Variants in PDE6C observed in about 807,000 individuals in gnomAD.
PDE6C encodes the protein cone cGMP-specific 3',5'-cyclic phosphodiesterase subunit alpha'.
PDE6C carries 75 observed loss-of-function variants against 113.1 expected under a neutral mutation model. The ratio of observed to expected loss-of-function variants is 0.66; its 90% CI spans 0.55 to 0.80. The LOEUF is 0.80. Among genes scored for constraint, PDE6C ranks in the 30% least tolerant of loss-of-function variants. The pLI is 0.00. For missense variants in PDE6C, 912 were observed against 1,038.6 expected, an observed-to-expected ratio of 0.88 and a Z score of 1.67; for synonymous variants, 375 against 363.7, an observed-to-expected ratio of 1.03 and a Z score of -0.35.
intron 9 of PDE6C, 84 bp downstream of exon 9, chr10:93,634,991 T>C (rs1442332332): frequency 1.4e-6 from 2 of 1,424,576 alleles, no homozygotes; most frequent in Non-Finnish European, 2.0e-6. Flanking sequence ...TCTGGAATGA[T>C]ATTTTGAAGG....
chr10:93,641,800 CTCCTTCAGCTGGTCT>C (rs2058561391), intron 14 of PDE6C, among the ~76,000 whole-genome samples: 1 of 152,200 alleles, frequency 6.6e-6, no homozygotes, highest in Non-Finnish European at 1.5e-5. Context: ...CTGCCAAACT[CTCCTTCAGCTGGTCT>C]TCCATCTTAA....
chr10:93,632,544 G>A (rs1589696996), intron 8 of PDE6C, among the ~76,000 whole-genome samples: 1 of 152,176 alleles, frequency 6.6e-6, no homozygotes, highest in African/African-American at 2.4e-5. Flanking sequence ...CAAAGCACAA[G>A]AATATGAACT....
chr10:93,629,574 C>A lies in PDE6C; in HGVS notation c.1119+269C>A, dbSNP rs59194125. On this transcript the variant is annotated intron_variant, in intron 8 of 21. Coordinates refer to ENST00000371447, the MANE Select transcript of PDE6C (RefSeq NM_006204.4). ...GGTCATTTACGGCAGTGGTCCCCAA[C>A]CTTTTTGGCACCAGGGACCGGTTTT... Among the ~76,000 whole-genome samples, 347 of 152,306 alleles carry A rather than the reference C, an allele frequency of 2.3e-3. 11 individuals are homozygous for A. The East Asian group carries it at 0.06, about 26-fold the overall frequency.
chr10:93,629,039 C>T (rs181339443), intron 7 of PDE6C, among the ~76,000 whole-genome samples: 17 of 152,226 alleles, frequency 1.1e-4, no homozygotes, highest in East Asian at 7.7e-4. Context: ...GGGGCAGAGA[C>T]GGTACCACAT....
intron 8 of PDE6C, among the ~76,000 whole-genome samples, chr10:93,632,062 G>A (rs890685997): frequency 3.9e-5 from 6 of 152,124 alleles, no homozygotes; most frequent in Non-Finnish European, 7.4e-5. Context: ...AGGGCCTCCC[G>A]CCTTCCTTGC....
chr10:93,644,912 C>T (rs940788107), intron 14 of PDE6C, among the ~76,000 whole-genome samples: 2 of 140,460 alleles, frequency 1.4e-5, no homozygotes, highest in Non-Finnish European at 3.1e-5. Flanking sequence ...TATATATACA[C>T]TATATCGATA....
chr10:93,618,286 C>T (rs946714442), intron 1 of PDE6C, among the ~76,000 whole-genome samples: 2 of 151,614 alleles, frequency 1.3e-5, no homozygotes, highest in African/African-American at 2.4e-5. Flanking sequence ...GCCAGACACT[C>T]TTTTTTTTTC....
chr10:93,641,719 C>A (rs188018302), intron 14 of PDE6C, among the ~76,000 whole-genome samples: 4 of 152,158 alleles, frequency 2.6e-5, no homozygotes, highest in Non-Finnish European at 5.9e-5. Context: ...TCCTATGGAG[C>A]ACTCCCCAGC....
chr10:93,661,914 C>A, intron 18 of PDE6C, 145 bp from the exon 19 acceptor site: 1 of 696,410 alleles, frequency 1.4e-6, no homozygotes, highest in South Asian at 1.5e-5. Context: ...TGTAAATGAC[C>A]TCTTTTTAAA....
intron 1 of PDE6C, among the ~76,000 whole-genome samples, chr10:93,619,858 T>C (rs1216615359): frequency 6.6e-6 from 1 of 152,142 alleles, no homozygotes; most frequent in Non-Finnish European, 1.5e-5. Context: ...TAGTGCAGTA[T>C]TGTTGGTAGT....
intron 11 of PDE6C, among the ~76,000 whole-genome samples, chr10:93,638,176 C>T (rs1164334797): frequency 6.6e-6 from 1 of 152,146 alleles, no homozygotes; most frequent in Non-Finnish European, 1.5e-5. Flanking sequence ...ACCTGTTTTC[C>T]ACCATCTCTT....
intron 1 of PDE6C, among the ~76,000 whole-genome samples, chr10:93,617,025 CTG>C (rs1347924129): frequency 6.6e-6 from 1 of 152,168 alleles, no homozygotes; most frequent in African/African-American, 2.4e-5. Flanking sequence ...CTGATTCTGA[CTG>C]TGGTTTAAAA....
intron 15 of PDE6C, among the ~76,000 whole-genome samples, chr10:93,650,388 A>G (rs1339756419): frequency 2.6e-5 from 4 of 152,124 alleles, no homozygotes; most frequent in Non-Finnish European, 4.4e-5. Context: ...CTGGGACTAC[A>G]GACATGAGTC....
At chr10:93,665,087 T>G (rs551607923) in intron 21 of PDE6C, among the ~76,000 whole-genome samples, 1 of 152,276 alleles carries the variant, frequency 6.6e-6, no homozygotes, top group African/African-American at 2.4e-5. Flanking sequence ...CAGGCTGGTC[T>G]TGCACTCCTA....
intron 11 of PDE6C, among the ~76,000 whole-genome samples, chr10:93,637,608 A>G (rs1351436528): frequency 6.6e-6 from 1 of 152,186 alleles, no homozygotes; most frequent in Non-Finnish European, 1.5e-5. Context: ...ATAAGTTCGT[A>G]ATTTCAGAGA....
chr10:93,655,597 A>G (rs2058632728), intron 15 of PDE6C, among the ~76,000 whole-genome samples, 163 bp from the exon 16 acceptor site: 2 of 146,024 alleles, frequency 1.4e-5, no homozygotes, highest in Non-Finnish European at 3.0e-5. Flanking sequence ...TGAGATAAAA[A>G]CTAAAAGCAA....
chr10:93,665,856 C>T lies in PDE6C; in HGVS notation c.*438C>T. The T allele has an allele frequency of 4.0e-6, 1 of 252,182 alleles. No individual in the cohort carries two copies. Among genetic ancestry groups the T allele is most frequent in the Non-Finnish European group, 7.7e-6 (1 of 130,548 alleles). 15.6% of individuals were successfully genotyped at this position (252,182 alleles called of 1,614,324 possible). ...TTGGGAGGCCTCTCAACTTGGTTTGCAGATGGCCATCTTCTCCCTGTGTCT... is the reference window on the plus strand; with the variant it reads ...TTGGGAGGCCTCTCAACTTGGTTTGTAGATGGCCATCTTCTCCCTGTGTCT... On this transcript the variant is annotated 3_prime_UTR_variant, in exon 22 of 22. Coordinates refer to ENST00000371447, the MANE Select transcript of PDE6C (RefSeq NM_006204.4).
At chr10:93,615,846 T>C (rs1266483722) in intron 1 of PDE6C, among the ~76,000 whole-genome samples, 1 of 152,168 alleles carries the variant, frequency 6.6e-6, no homozygotes, top group Non-Finnish European at 1.5e-5. Flanking sequence ...TTAGCCCAAC[T>C]CTGTCCTATG....
At position 93,625,653 on chromosome 10, in the gene PDE6C, C is replaced by T. The variant is rs371814026; in HGVS notation, c.939+4C>T. ...TCCAAAGACACCTGATGGCAGGGTA[C>T]GTGCAAATGTCTTCCTTGATGCCAT... On this transcript the variant is annotated splice_donor_region_variant and intron_variant, in intron 5 of 21. Coordinates refer to ENST00000371447, the MANE Select transcript of PDE6C (RefSeq NM_006204.4). 1.4e-4 allele frequency: 228 copies of T among 1,600,648 alleles called. No homozygotes were observed. Among genetic ancestry groups the T allele is most frequent in the Middle Eastern group, 6.6e-4 (4 of 6,030 alleles).
Sources: allele counts gnomAD v4.1 joint callset (sites outside exome capture counted in the v4.1 genomes callset), GRCh38; gene constraint gnomAD v4.1.1; transcripts MANE v1.5; gene names NCBI Gene and HGNC (gene_info 2026-07-23, HGNC 2026-07-21).